GABRB2: variants seen among roughly 807,000 people sequenced by gnomAD.
The protein encoded by GABRB2 is gamma-aminobutyric acid type A receptor subunit beta2, also known as gamma-aminobutyric acid receptor subunit beta-2.
GABRB2 carries 16 observed loss-of-function variants against 54.7 expected under a neutral mutation model. The ratio of observed to expected loss-of-function variants is 0.29; its 90% confidence interval spans 0.20 to 0.44. The LOEUF is 0.44. GABRB2 is among the 20% of genes least tolerant of loss of function. The pLI is 1.00. For synonymous variants in GABRB2, 244 were observed against 233.8 expected, an observed-to-expected ratio of 1.04 and a Z score of -0.40; for missense variants, 355 against 644.0, an observed-to-expected ratio of 0.55 and a Z score of 4.86.
chr5:161,296,624 C>T (rs1757387640), intron 9 of GABRB2, among the ~76,000 whole-genome samples: 1 of 151,884 alleles, frequency 6.6e-6, no homozygotes, highest in Non-Finnish European at 1.5e-5. Flanking sequence ...TTAGGTAATT[C>T]ATAAAGTTCT....
intron 5 of GABRB2, among the ~76,000 whole-genome samples, chr5:161,386,317 A>G (rs1484791974): frequency 6.6e-6 from 1 of 152,130 alleles, no homozygotes; most frequent in East Asian, 1.9e-4. Flanking sequence ...AATTATCTCC[A>G]CAGTAAAGAC....
intron 4 of GABRB2, among the ~76,000 whole-genome samples, chr5:161,450,733 T>C (rs1036244346): frequency 1.3e-5 from 2 of 152,212 alleles, no homozygotes; most frequent in African/African-American, 2.4e-5. Flanking sequence ...TGAACTTGAA[T>C]ATATCAGAAA....
chr5:161,505,109 CTTTTTTT>C (rs34388314), intron 3 of GABRB2, among the ~76,000 whole-genome samples: 3 of 135,562 alleles, frequency 2.2e-5, no homozygotes, highest in African/African-American at 5.4e-5. Context: ...TTTTCCTTTT[CTTTTTTT>C]TTTTTTTTGT....
chr5:161,451,795 T>G (rs1757795414), intron 4 of GABRB2, among the ~76,000 whole-genome samples: 1 of 152,136 alleles, frequency 6.6e-6, no homozygotes, highest in Non-Finnish European at 1.5e-5. Flanking sequence ...AGATGAATGT[T>G]TTCATAATAA....
intron 5 of GABRB2, among the ~76,000 whole-genome samples, chr5:161,363,876 G>T (rs1754896730): frequency 6.6e-6 from 1 of 152,162 alleles, no homozygotes; most frequent in South Asian, 2.1e-4. Flanking sequence ...CACTGTAGTT[G>T]TAATTGTAAA....
At chr5:161,447,931 A>C (rs1757682827) in intron 4 of GABRB2, among the ~76,000 whole-genome samples, 1 of 152,146 alleles carries the variant, frequency 6.6e-6, no homozygotes, top group Non-Finnish European at 1.5e-5. Context: ...ATATTCTGGT[A>C]GTCAGAGGTA....
intron 9 of GABRB2, among the ~76,000 whole-genome samples, chr5:161,313,743 G>A (rs544062624): frequency 4.9e-4 from 75 of 152,278 alleles, no homozygotes; most frequent in African/African-American, 1.6e-3. Flanking sequence ...TTTCCAGGGT[G>A]GGACTGTAAG....
intron 5 of GABRB2, among the ~76,000 whole-genome samples, chr5:161,344,021 T>A (rs890407363): frequency 6.6e-6 from 1 of 152,104 alleles, no homozygotes; most frequent in African/African-American, 2.4e-5. Context: ...ATGCTTTTTG[T>A]CCATGGACCA....
rs567327818 is a variant in GABRB2, at chr5:161,464,468, A to G, written c.238-4624T>C. ...CAATTCCGAGTGCTGGTGAGAAGGT[A>G]CACCCAAAGTCTCATACATTGCAAG... On this transcript the variant is annotated intron_variant, in intron 3 of 9. Coordinates refer to ENST00000393959, the MANE Select transcript of GABRB2 (RefSeq NM_001371727.1). 3.7e-4 allele frequency among the ~76,000 whole-genome samples: 56 copies of G among 152,244 alleles called. 1 individual carries two copies. The highest frequency in any genetic ancestry group is 1.3e-3 in the African/African-American group (54 of 41,576).
In GABRB2 at chr5:161,388,131, A is replaced by G. The variant is rs116745874; in HGVS notation, c.541+22844T>C. On this transcript the variant is annotated intron_variant, in intron 5 of 9. Transcript: ENST00000393959. ...TATAATTCCAACAATCCATGGGAAG[A>G]TTTGAGAGTAGAAAATGCTGTTTCA... Among the ~76,000 whole-genome samples the G allele has an allele frequency of 2.7e-3, 408 of 152,268 alleles. 2 individuals carry two copies. Among genetic ancestry groups the G allele is most frequent in the African/African-American group, 9.5e-3 (397 of 41,580 alleles).
chr5:161,431,104 G>T lies in GABRB2; in HGVS notation c.459-20047C>A, dbSNP rs375460306. On this transcript the variant is annotated intron_variant, in intron 4 of 9. Coordinates refer to ENST00000393959, the MANE Select transcript of GABRB2 (RefSeq NM_001371727.1). Reference sequence around the variant, plus strand: ...AGGCTTGGAAATAAATCTGGACCTGGCATTTCCAGCTCTGTGACACTAGTA... The same window carrying T: ...AGGCTTGGAAATAAATCTGGACCTGTCATTTCCAGCTCTGTGACACTAGTA... Among the ~76,000 whole-genome samples, 13 of 152,184 alleles carry T rather than the reference G, an allele frequency of 8.5e-5. No individual in the cohort carries two copies. The East Asian group carries it at 1.5e-3, about 18-fold the overall frequency.
intron 3 of GABRB2, among the ~76,000 whole-genome samples, chr5:161,485,759 G>C (rs1410711616): frequency 6.6e-6 from 1 of 151,860 alleles, no homozygotes; most frequent in African/African-American, 2.4e-5. Context: ...ATTCAAGCTA[G>C]GTCAATGGTC....
At chr5:161,498,536 T>C (rs1409860854) in intron 3 of GABRB2, among the ~76,000 whole-genome samples, 1 of 152,162 alleles carries the variant, frequency 6.6e-6, no homozygotes, top group Non-Finnish European at 1.5e-5. Flanking sequence ...TCAAAGCCTA[T>C]GCATTCATCA....
At chr5:161,343,517 G>A (rs760026672) in intron 5 of GABRB2, among the ~76,000 whole-genome samples, 2 of 152,000 alleles carry the variant, frequency 1.3e-5, no homozygotes, top group South Asian at 4.2e-4. Flanking sequence ...TGTATTTGTT[G>A]TCTTTGTATG....
intron 2 of GABRB2, 100 bp downstream of exon 2, chr5:161,546,222 C>A: frequency 3.4e-6 from 3 of 886,886 alleles, no homozygotes; most frequent in Non-Finnish European, 5.6e-6. Flanking sequence ...ATTCAGGACA[C>A]CACATGCACC....
chr5:161,506,023 C>T (rs1294275750), intron 3 of GABRB2, among the ~76,000 whole-genome samples: 1 of 151,810 alleles, frequency 6.6e-6, no homozygotes, highest in South Asian at 2.1e-4. Flanking sequence ...TCATAAATGA[C>T]ATGATTTTGT....
chr5:161,295,085 A>G (rs1270762952), intron 9 of GABRB2, among the ~76,000 whole-genome samples: 2 of 152,230 alleles, frequency 1.3e-5, no homozygotes, highest in Non-Finnish European at 2.9e-5. Flanking sequence ...TAACCACAGT[A>G]TTCAGAATAA....
At chr5:161,529,059 G>T (rs1195847970) in intron 3 of GABRB2, among the ~76,000 whole-genome samples, 2 of 151,810 alleles carry the variant, frequency 1.3e-5, no homozygotes, top group Non-Finnish European at 2.9e-5. Flanking sequence ...CTCAGGATTA[G>T]CATATACTTT....
At chr5:161,484,155 T>C (rs186710363) in intron 3 of GABRB2, among the ~76,000 whole-genome samples, 14 of 152,064 alleles carry the variant, frequency 9.2e-5, no homozygotes, top group Non-Finnish European at 1.8e-4. Flanking sequence ...GTTCATTCCA[T>C]CAATTTGTTA....
Sources: allele counts gnomAD v4.1 joint callset (sites outside exome capture counted in the v4.1 genomes callset), GRCh38; gene constraint gnomAD v4.1.1; transcripts MANE v1.5; gene names NCBI Gene and HGNC (gene_info 2026-07-23, HGNC 2026-07-21).